The following PUM1 variants were observed in gnomAD, a reference collection of about 807,000 sequenced individuals.
PUM1 encodes the protein pumilio RNA binding family member 1.
Under a neutral mutation model 131.8 loss-of-function variants are expected in PUM1, and 13 were observed. The ratio of observed to expected loss-of-function variants is 0.10; its 90% CI spans 0.06 to 0.16. The LOEUF (loss-of-function observed/expected upper bound fraction) is 0.16, where lower values mean the gene tolerates loss of function less well. Among genes scored for constraint, PUM1 ranks in the 10% least tolerant of loss-of-function variants. The pLI is 1.00. For missense variants in PUM1, 961 were observed against 1,512.4 expected (o/e 0.64, Z 6.05); for synonymous variants, 509 against 556.5 (o/e 0.91, Z 1.20).
chr1:31,051,657 T>G (rs967240910), intron 2 of PUM1, among the ~76,000 whole-genome samples: 7 of 151,986 alleles, frequency 4.6e-5, no homozygotes, highest in African/African-American at 1.4e-4. Context: ...TCCTATAGGC[T>G]GTCAATCTAT....
chr1:31,023,576 C>T (rs958458139), intron 3 of PUM1, among the ~76,000 whole-genome samples: 1 of 152,166 alleles, frequency 6.6e-6, no homozygotes, highest in Non-Finnish European at 1.5e-5. Context: ...TACCATCCCA[C>T]GAACTCTGAT....
In PUM1 at chr1:30,964,817, A is replaced by G. The variant is rs750056686; in HGVS notation, c.2180T>C (p.Ile727Thr). ...AAGGCCGTTATAAAAACTGTGTCCA[A>G]TGGGGGTCAAGCTGCTCGATGTCCT... ...YKRTSSSLTP[I>T]GHSFYNGLSF... is the part of the protein sequence containing the mutation. Residue 727 changes from isoleucine to threonine, a missense_variant, in exon 14 of 22, where the codon ATT (isoleucine) becomes ACT (threonine). Ile to Thr is a moderately conservative substitution (Grantham distance 89). This residue lies in a region of PUM1 where 654 missense variants were observed against 923.9 expected (regional missense o/e 0.71). Transcript: ENST00000426105. The G allele has an allele frequency of 9.9e-6, 16 of 1,613,990 alleles. No homozygotes were observed. In the Admixed American group the frequency reaches 1.3e-4, roughly 13 times the overall value.
chr1:30,984,000 A>C (rs1570201786), intron 7 of PUM1, among the ~76,000 whole-genome samples: 1 of 152,222 alleles, frequency 6.6e-6, no homozygotes, highest in East Asian at 1.9e-4. Flanking sequence ...ATACCACAAA[A>C]GTAATCATTC....
At chr1:31,052,383 G>T (rs1266797726) in intron 2 of PUM1, among the ~76,000 whole-genome samples, 2 of 151,504 alleles carry the variant, frequency 1.3e-5, no homozygotes, top group African/African-American at 4.8e-5. Flanking sequence ...CCTAGTATTT[G>T]TTTTTTAAAT....
intron 7 of PUM1, among the ~76,000 whole-genome samples, chr1:30,990,632 C>T (rs995724676): frequency 2.6e-5 from 4 of 151,730 alleles, no homozygotes; most frequent in East Asian, 3.9e-4. Context: ...AGGAGGCTTA[C>T]GCCAGTGGTT....
intron 2 of PUM1, among the ~76,000 whole-genome samples, chr1:31,044,805 G>GT (rs990257268): frequency 1.3e-5 from 2 of 151,796 alleles, no homozygotes; most frequent in African/African-American, 4.8e-5. Flanking sequence ...GTTTTGTTTT[G>GT]TTTTTTGTTG....
chr1:31,039,468 C>T (rs542970194), intron 2 of PUM1, among the ~76,000 whole-genome samples: 15 of 152,082 alleles, frequency 9.9e-5, no homozygotes, highest in Admixed American at 2.0e-4. Context: ...TGTGATCCAC[C>T]CACCTCAGCC....
chr1:30,968,179 T>A (rs375871818), intron 11 of PUM1, 175 bp downstream of exon 11: 1 of 864,330 alleles, frequency 1.2e-6, no homozygotes, highest in African/African-American at 1.6e-5. Flanking sequence ...CTCAGAACAA[T>A]GCTCTCATCA....
intron 5 of PUM1, among the ~76,000 whole-genome samples, chr1:30,997,466 C>T (rs998362425): frequency 3.3e-5 from 5 of 151,174 alleles, no homozygotes; most frequent in African/African-American, 1.2e-4. Context: ...CCATTGCACT[C>T]CAGCCTAGGC....
chr1:30,970,583 A>C (rs899223679), intron 10 of PUM1, among the ~76,000 whole-genome samples: 4 of 152,194 alleles, frequency 2.6e-5, no homozygotes, highest in Non-Finnish European at 5.9e-5. Context: ...GTTTCAAACT[A>C]CGTAGATAGA....
intron 2 of PUM1, among the ~76,000 whole-genome samples, chr1:31,029,670 C>T (rs1643346571): frequency 2.0e-5 from 3 of 152,184 alleles, no homozygotes; most frequent in Non-Finnish European, 4.4e-5. Flanking sequence ...CCACCTACCC[C>T]TGGGCAAGGG....
chr1:31,044,141 C>T (rs1316022093), intron 2 of PUM1, among the ~76,000 whole-genome samples: 1 of 152,182 alleles, frequency 6.6e-6, no homozygotes, highest in Non-Finnish European at 1.5e-5. Context: ...GTGGCTCACA[C>T]CTGTAATCCC....
intron 2 of PUM1, among the ~76,000 whole-genome samples, chr1:31,045,837 T>G (rs367830283): frequency 6.6e-6 from 1 of 152,128 alleles, no homozygotes; most frequent in African/African-American, 2.4e-5. Flanking sequence ...ATCCTGGCAC[T>G]TTGGGAGGCT....
At chr1:30,972,877 C>T (rs1277489713) in intron 10 of PUM1, among the ~76,000 whole-genome samples, 2 of 151,756 alleles carry the variant, frequency 1.3e-5, no homozygotes, top group East Asian at 1.9e-4. Flanking sequence ...GTCAGGAGTT[C>T]GAGACCAGCC....
chr1:31,046,820 C>T (rs924966464), intron 2 of PUM1, among the ~76,000 whole-genome samples: 10 of 152,126 alleles, frequency 6.6e-5, no homozygotes, highest in Admixed American at 2.0e-4. Flanking sequence ...GTTCTTTAAC[C>T]AAATTCCCAA....
intron 3 of PUM1, among the ~76,000 whole-genome samples, chr1:31,013,778 G>C (rs1642707635): frequency 1.3e-5 from 2 of 152,098 alleles, no homozygotes; most frequent in South Asian, 4.1e-4. Context: ...TAAAAATTTT[G>C]TATTTTTCAC....
At chr1:31,032,846 C>T (rs1037453953) in intron 2 of PUM1, among the ~76,000 whole-genome samples, 3 of 152,120 alleles carry the variant, frequency 2.0e-5, no homozygotes, top group Admixed American at 6.5e-5. Context: ...TGACTCACAC[C>T]TGTAATCCTA....
At chr1:30,959,411 G>C (rs1483324493) in intron 14 of PUM1, among the ~76,000 whole-genome samples, 1 of 152,108 alleles carries the variant, frequency 6.6e-6, no homozygotes, top group African/African-American at 2.4e-5. Flanking sequence ...AAAGTAAGAT[G>C]TATATCTGGA....
intron 2 of PUM1, among the ~76,000 whole-genome samples, chr1:31,048,953 C>G (rs529550474): frequency 9.5e-4 from 145 of 152,264 alleles, no homozygotes; most frequent in Admixed American, 4.0e-3. Flanking sequence ...CGCCTGTAAT[C>G]CTAGTACTTT....
Sources: allele counts gnomAD v4.1 joint callset (sites outside exome capture counted in the v4.1 genomes callset), GRCh38; gene constraint gnomAD v4.1.1; regional missense constraint gnomAD v4.1.1; transcripts MANE v1.5; gene names NCBI Gene and HGNC (gene_info 2026-07-23, HGNC 2026-07-21).